The following SLC16A12 variants were observed in gnomAD, a reference collection of about 807,000 sequenced individuals.
SLC16A12 encodes the protein solute carrier family 16 member 12, also known as monocarboxylate transporter 12.
A neutral mutation model predicts 42.4 loss-of-function variants in SLC16A12; 17 were observed. The ratio of observed to expected loss-of-function variants is 0.40; its 90% confidence interval spans 0.27 to 0.60. The LOEUF is 0.60. Ranked by LOEUF, SLC16A12 falls within the 20% of genes least tolerant of loss-of-function variation. The probability of loss-of-function intolerance (pLI) is 0.42; values close to 1 mark genes in which losing one functional copy is unlikely to be tolerated. For synonymous variants in SLC16A12, 224 were observed against 229.4 expected (o/e 0.98, Z 0.21); for missense variants, 544 against 623.0 (o/e 0.87, Z 1.35).
chr10:89,551,880 A>T (rs1843773030), intron 2 of SLC16A12, among the ~76,000 whole-genome samples: 1 of 152,218 alleles, frequency 6.6e-6, no homozygotes, highest in South Asian at 2.1e-4. Context: ...ATGAAAACAA[A>T]CTAATACAAA....
At chr10:89,463,935 C>T (rs572101314) in intron 2 of SLC16A12, among the ~76,000 whole-genome samples, 7 of 152,268 alleles carry the variant, frequency 4.6e-5, no homozygotes, top group South Asian at 2.1e-4. Context: ...TTCCCTTGAG[C>T]GTGGGAGGGA....
chr10:89,485,122 C>T (rs1390213393), intron 2 of SLC16A12, among the ~76,000 whole-genome samples: 1 of 152,172 alleles, frequency 6.6e-6, no homozygotes, highest in African/African-American at 2.4e-5. Context: ...ATGGATCAGT[C>T]GTTGTCAACA....
rs116909655 is a variant in SLC16A12, at chr10:89,448,044, C to G, written c.201-4185G>C. Among the ~76,000 whole-genome samples the G allele has an allele frequency of 5.8e-3, 880 of 152,106 alleles. 2 individuals are homozygous for G. Among genetic ancestry groups the G allele is most frequent in the Non-Finnish European group, 9.6e-3 (652 of 67,964 alleles). ...TGGATAAATTCCTGGACACATACTC[C>G]CCAGACTAAACCAGGACGAAGCTGA... On this transcript the variant is annotated intron_variant, in intron 3 of 7. Transcript: ENST00000371790.
chr10:89,554,707 G>T (rs1843798698), intron 2 of SLC16A12, among the ~76,000 whole-genome samples: 1 of 152,160 alleles, frequency 6.6e-6, no homozygotes, highest in South Asian at 2.1e-4. Context: ...GAGAGAGAAA[G>T]AAGAAAACTG....
At chr10:89,480,174 T>C (rs964174440) in intron 2 of SLC16A12, among the ~76,000 whole-genome samples, 3 of 152,332 alleles carry the variant, frequency 2.0e-5, no homozygotes, top group African/African-American at 4.8e-5. Flanking sequence ...GTTATACTAC[T>C]ACTCTTTGAG....
At chr10:89,548,673 G>T (rs887799590) in intron 2 of SLC16A12, among the ~76,000 whole-genome samples, 1 of 152,022 alleles carries the variant, frequency 6.6e-6, no homozygotes, top group East Asian at 1.9e-4. Context: ...AAAATTAGCC[G>T]GGTGCAGTGC....
At chr10:89,490,050 C>T (rs755896007) in intron 2 of SLC16A12, among the ~76,000 whole-genome samples, 31 of 152,038 alleles carry the variant, frequency 2.0e-4, no homozygotes, top group Admixed American at 3.3e-4. Flanking sequence ...TCTGAAGGGT[C>T]AAAGATAGAT....
At chr10:89,511,954 T>A (rs901896361) in intron 2 of SLC16A12, among the ~76,000 whole-genome samples, 1 of 152,166 alleles carries the variant, frequency 6.6e-6, no homozygotes, top group Admixed American at 6.5e-5. Context: ...ATGTGGCACA[T>A]AATGGATTAC....
intron 2 of SLC16A12, among the ~76,000 whole-genome samples, chr10:89,525,220 C>CAAAAAAAAAAAAAAAAAAAA (rs869295721): frequency 1.5e-5 from 1 of 64,642 alleles, no homozygotes; most frequent in Admixed American, 2.1e-4. Context: ...GACACCATAT[C>CAAAAAAAAAAAAAAAAAAAA]AAAAAAAAAA....
At chr10:89,533,601 A>G (rs1047849740) in intron 2 of SLC16A12, among the ~76,000 whole-genome samples, 2 of 152,138 alleles carry the variant, frequency 1.3e-5, no homozygotes, top group Admixed American at 6.5e-5. Context: ...TCATTACCAT[A>G]GAGGGTGCTG....
At chr10:89,533,938 A>C (rs1291230759) in intron 2 of SLC16A12, among the ~76,000 whole-genome samples, 2 of 152,158 alleles carry the variant, frequency 1.3e-5, no homozygotes, top group Non-Finnish European at 2.9e-5. Flanking sequence ...GCCTTGGAAA[A>C]CTGAGTTAGG....
intron 2 of SLC16A12, among the ~76,000 whole-genome samples, chr10:89,506,887 C>T (rs1843071236): frequency 6.6e-6 from 1 of 151,838 alleles, no homozygotes; most frequent in Non-Finnish European, 1.5e-5. Flanking sequence ...CATAAATGAC[C>T]TGATGGAGCT....
rs1290878805 is a variant in SLC16A12 at position 89,484,435 on chromosome 10, G to A, written c.-46-21811C>T. On this transcript the variant is annotated intron_variant, in intron 2 of 7. Coordinates refer to ENST00000371790, the MANE Select transcript of SLC16A12 (RefSeq NM_213606.4). Reference sequence around the variant, plus strand: ...CTTGTCCTAAGGATTTCTGAAAAGAGTTTCAACTCACAGTTGTGGGTACGT... The same window carrying A: ...CTTGTCCTAAGGATTTCTGAAAAGAATTTCAACTCACAGTTGTGGGTACGT... Among the ~76,000 whole-genome samples, 3 of 152,254 alleles carry A rather than the reference G, an allele frequency of 2.0e-5. No homozygotes were observed. The East Asian group carries it at 5.8e-4, about 29-fold the overall frequency.
chr10:89,463,159 A>G (rs1198346352), intron 2 of SLC16A12: 1 of 152,332 alleles, frequency 6.6e-6, no homozygotes, highest in Non-Finnish European at 1.5e-5. Flanking sequence ...ACATCTCTAC[A>G]CTGTTACACA....
At position 89,430,479 on chromosome 10, in the gene SLC16A12, A is replaced by G. The variant is rs751259501; in HGVS notation, c.*2585T>C. Reference sequence around the variant, plus strand: ...ATTCCAAAGTAGAGCTTACAGTAGTAGAAAGAAATATTTAAGATGTAAAAT... The same window carrying G: ...ATTCCAAAGTAGAGCTTACAGTAGTGGAAAGAAATATTTAAGATGTAAAAT... On this transcript the variant is annotated 3_prime_UTR_variant, in exon 8 of 8. Transcript: ENST00000371790. 9 of 392,976 alleles carry G rather than the reference A, an allele frequency of 2.3e-5. No homozygotes were observed. Among genetic ancestry groups the G allele is most frequent in the Admixed American group, 4.5e-5 (1 of 22,416 alleles). The allele number at this position is 392,976 out of a possible 1,614,324, so 24.3% of individuals were successfully genotyped here. A position where few individuals can be genotyped will look rare whatever the true frequency, so the allele number is the denominator to read the frequency against.
At chr10:89,530,012 CA>C (rs1405999134) in intron 2 of SLC16A12, among the ~76,000 whole-genome samples, 1 of 152,160 alleles carries the variant, frequency 6.6e-6, no homozygotes, top group Non-Finnish European at 1.5e-5. Context: ...TCAGGAAAAG[CA>C]GAGTCAAAAA....
chr10:89,532,015 G>A (rs1843563762), intron 2 of SLC16A12, among the ~76,000 whole-genome samples: 1 of 152,152 alleles, frequency 6.6e-6, no homozygotes, highest in Admixed American at 6.5e-5. Context: ...CTGCATCAGA[G>A]GCATGTTCTG....
intron 3 of SLC16A12, among the ~76,000 whole-genome samples, chr10:89,456,553 A>G (rs1371431258): frequency 1.3e-5 from 2 of 151,736 alleles, no homozygotes; most frequent in African/African-American, 4.8e-5. Context: ...ATTTTATTTT[A>G]CTTTAAGTTC....
At chr10:89,464,809 A>G (rs1842365357) in intron 2 of SLC16A12, among the ~76,000 whole-genome samples, 1 of 152,174 alleles carries the variant, frequency 6.6e-6, no homozygotes, top group Non-Finnish European at 1.5e-5. Flanking sequence ...ATTCCCACAT[A>G]CATCACTTAG....
Sources: allele counts gnomAD v4.1 joint callset (sites outside exome capture counted in the v4.1 genomes callset), GRCh38; gene constraint gnomAD v4.1.1; transcripts MANE v1.5; gene names NCBI Gene and HGNC (gene_info 2026-07-23, HGNC 2026-07-21).